The following ANO1 variants were observed in gnomAD, a reference collection of about 807,000 sequenced individuals.
ANO1 encodes anoctamin 1, also known as anoctamin-1.
A neutral mutation model predicts 124.0 loss-of-function variants in ANO1; 59 were observed. That is an observed-to-expected ratio of 0.48 (90% confidence interval 0.39 to 0.59). The LOEUF (loss-of-function observed/expected upper bound fraction) is 0.59. ANO1 is among the 20% of genes least tolerant of loss of function. ANO1 has a pLI of 0.00. For synonymous variants in ANO1, 529 were observed against 532.0 expected (o/e 0.99, Z 0.08); for missense variants, 1,059 against 1,328.0 (o/e 0.80, Z 3.15).
chr11:70,015,548 C>T (rs867835), intron 1 of ANO1: 75,225 of 152,244 alleles, frequency 0.49, 19,771 homozygotes, highest in East Asian at 0.89. Flanking sequence ...TGGGACTGCA[C>T]TTTCCTTTGG....
At chr11:70,028,234 G>A (rs149456575) in intron 1 of ANO1, among the ~76,000 whole-genome samples, 432 of 152,298 alleles carry the variant, frequency 2.8e-3, no homozygotes, top group African/African-American at 9.9e-3. Flanking sequence ...CAGTGCCTGG[G>A]GATTTAATGT....
intron 1 of ANO1, among the ~76,000 whole-genome samples, chr11:70,035,699 CCT>C (rs782431094): frequency 4.1e-4 from 63 of 152,094 alleles, no homozygotes; most frequent in Admixed American, 8.5e-4. Context: ...CTCCCCACCC[CCT>C]GACAGGCCCT....
chr11:70,038,543 C>T (rs925723353), intron 1 of ANO1, among the ~76,000 whole-genome samples: 13 of 152,070 alleles, frequency 8.5e-5, no homozygotes, highest in East Asian at 3.9e-4. Context: ...GTTGATTTTG[C>T]GACACCGAGC....
chr11:70,178,821 C>T (rs1210766114), intron 22 of ANO1, among the ~76,000 whole-genome samples: 1 of 152,242 alleles, frequency 6.6e-6, no homozygotes, highest in Non-Finnish European at 1.5e-5. Context: ...ACCTCAGCCT[C>T]CCAAAATGCT....
intron 1 of ANO1, among the ~76,000 whole-genome samples, chr11:70,057,984 C>T (rs979978374): frequency 9.2e-5 from 14 of 152,198 alleles, no homozygotes; most frequent in Middle Eastern, 3.4e-3. Context: ...CTCAGGGCTG[C>T]TTTGAGCAGG....
chr11:70,062,632 C>T (rs1426019070), intron 1 of ANO1, among the ~76,000 whole-genome samples: 9 of 152,156 alleles, frequency 5.9e-5, no homozygotes, highest in Non-Finnish European at 8.8e-5. Context: ...CCATGTGCTC[C>T]GTGCCTGTCT....
At chr11:70,172,951 C>A (rs1323058578) in intron 22 of ANO1, among the ~76,000 whole-genome samples, 2 of 152,214 alleles carry the variant, frequency 1.3e-5, no homozygotes, top group African/African-American at 2.4e-5. Context: ...GTTGGAAACA[C>A]CCTTCAGATC....
upstream of ANO1, among the ~76,000 whole-genome samples, chr11:70,073,573 T>C (rs782679777): frequency 9.9e-5 from 15 of 151,796 alleles, no homozygotes; most frequent in Admixed American, 3.3e-4. Flanking sequence ...CCCAAAAAAC[T>C]GAGGATGGTG....
the ANO1 span, among the ~76,000 whole-genome samples, chr11:69,971,486 CTCT>C: frequency 2.6e-5 from 4 of 152,242 alleles, no homozygotes; most frequent in East Asian, 7.7e-4. Flanking sequence ...TGCTTTTGCT[CTCT>C]TCTTTAAAAA....
intron 1 of ANO1, among the ~76,000 whole-genome samples, chr11:70,035,652 G>T (rs1857082053): frequency 1.3e-5 from 2 of 151,960 alleles, no homozygotes; most frequent in Non-Finnish European, 2.9e-5. Flanking sequence ...AGCCCTGCAT[G>T]CATTAGGTAT....
the ANO1 span, among the ~76,000 whole-genome samples, chr11:69,971,989 G>T: frequency 1.3e-5 from 2 of 152,052 alleles, no homozygotes; most frequent in Non-Finnish European, 2.9e-5. Context: ...GAGAGGCCCA[G>T]GCGGGTGGAT....
chr11:69,998,319 C>T (rs2120346014), intron 1 of ANO1, among the ~76,000 whole-genome samples: 1 of 152,356 alleles, frequency 6.6e-6, no homozygotes, highest in African/African-American at 2.4e-5. Context: ...CCTTCCCCAC[C>T]AATCCCCCCG....
chr11:70,136,016 C>G (rs553545517), intron 11 of ANO1, among the ~76,000 whole-genome samples: 22 of 152,216 alleles, frequency 1.4e-4, no homozygotes, highest in South Asian at 4.1e-4. Flanking sequence ...CCCCTCCCCC[C>G]AGACCTCCCT....
chr11:70,178,348 T>C (rs1045357428), intron 22 of ANO1, among the ~76,000 whole-genome samples: 1 of 152,160 alleles, frequency 6.6e-6, no homozygotes, highest in Non-Finnish European at 1.5e-5. Flanking sequence ...GGGCTGCTAG[T>C]GTGCAGAGCC....
At chr11:70,183,912 A>G (rs1373201953) in intron 24 of ANO1, among the ~76,000 whole-genome samples, 1 of 152,212 alleles carries the variant, frequency 6.6e-6, no homozygotes. Flanking sequence ...TTGTGACATA[A>G]GTAAGTGAGG....
At chr11:70,137,628 T>C (rs1322193707) in intron 11 of ANO1, among the ~76,000 whole-genome samples, 1 of 145,668 alleles carries the variant, frequency 6.9e-6, no homozygotes, top group East Asian at 2.1e-4. Context: ...TGACGGTCAC[T>C]GGATTACTCA....
chr11:70,104,547 A>G (rs1244719180), intron 4 of ANO1, among the ~76,000 whole-genome samples: 1 of 152,146 alleles, frequency 6.6e-6, no homozygotes, highest in Non-Finnish European at 1.5e-5. Context: ...TGTGGCAGAA[A>G]TTGAAAAGCA....
At chr11:70,031,957 C>T (rs961131828) in intron 1 of ANO1, among the ~76,000 whole-genome samples, 1 of 152,194 alleles carries the variant, frequency 6.6e-6, no homozygotes, top group Non-Finnish European at 1.5e-5. Flanking sequence ...CCAACCCCCC[C>T]TCCTCACGGT....
chr11:70,047,961 C>A (rs1857287165), intron 1 of ANO1, among the ~76,000 whole-genome samples: 1 of 152,198 alleles, frequency 6.6e-6, no homozygotes, highest in African/African-American at 2.4e-5. Context: ...ATAATCAAAG[C>A]CCGCTTCCAA....
Sources: gnomAD v4.1 joint callset for allele counts (sites outside exome capture counted in the v4.1 genomes callset) on GRCh38, gnomAD v4.1.1 for gene constraint, MANE v1.5 for transcripts, NCBI Gene and HGNC (gene_info 2026-07-23, HGNC 2026-07-21) for gene names.